The following RUFY4 variants were observed in gnomAD, a reference collection of about 807,000 sequenced individuals.
The protein encoded by RUFY4 is RUN and FYVE domain containing 4.
In RUFY4, 73 loss-of-function variants were observed where a neutral mutation model predicts 69.0. The ratio of observed to expected loss-of-function variants is 1.06; its 90% CI spans 0.88 to 1.29. The LOEUF is 1.29. Ranked by LOEUF, RUFY4 falls within the 50% of genes most tolerant of loss-of-function variation. The pLI is 0.00. For missense variants in RUFY4, 770 were observed against 705.6 expected, an observed-to-expected ratio of 1.09 and a Z score of -1.03; for synonymous variants, 287 against 271.8, an observed-to-expected ratio of 1.06 and a Z score of -0.55.
intron 3 of RUFY4, among the ~76,000 whole-genome samples, chr2:218,063,571 G>A (rs1036215201): frequency 6.6e-6 from 1 of 152,200 alleles, no homozygotes; most frequent in African/African-American, 2.4e-5. Context: ...AAAAACTAAT[G>A]TTCATAGTGG....
In RUFY4 at chr2:218,060,745, A is replaced by T. The variant is rs866402026; in HGVS notation, c.-1071+2064A>T. On this transcript the variant is annotated intron_variant and NMD_transcript_variant, in intron 3 of 13. Coordinates refer to the RUFY4 transcript ENST00000457754. ...GGTGAATCTGTAGCAGAACAGCATG[A>T]TCGCAGCGGCACGATGAAGCCAAAG... The T allele has an allele frequency of 2.7e-6, 4 of 1,470,684 alleles. No individual in the cohort carries two copies. In the Middle Eastern group the frequency reaches 5.2e-4, roughly 192 times the overall value. The allele number at this position is 1,470,684 out of a possible 1,614,324, so 91.1% of individuals were successfully genotyped here.
intron 9 of RUFY4, among the ~76,000 whole-genome samples, chr2:218,088,328 C>A (rs1278934539): frequency 6.6e-6 from 1 of 151,704 alleles, no homozygotes; most frequent in Non-Finnish European, 1.5e-5. Flanking sequence ...TAGCCAGGCA[C>A]GTGCCTATAG....
At chr2:218,085,429 T>C (rs377549112) in intron 9 of RUFY4, among the ~76,000 whole-genome samples, 2 of 152,186 alleles carry the variant, frequency 1.3e-5, no homozygotes, top group Non-Finnish European at 1.5e-5. Flanking sequence ...CCACATCTTA[T>C]CTATTCTCCA....
chr2:218,079,743 T>C (rs1450593228), intron 8 of RUFY4, among the ~76,000 whole-genome samples: 1 of 152,138 alleles, frequency 6.6e-6, no homozygotes, highest in African/African-American at 2.4e-5. Context: ...AAGCTGGTGA[T>C]GAGTTCCTCA....
At chr2:218,081,954 G>A (rs1211179677) in intron 8 of RUFY4, among the ~76,000 whole-genome samples, 1 of 152,170 alleles carries the variant, frequency 6.6e-6, no homozygotes, top group Non-Finnish European at 1.5e-5. Flanking sequence ...ACACACTCAA[G>A]CCCCAGGACA....
At chr2:218,073,922 C>A in intron 6 of RUFY4, 37 bp downstream of exon 8, 1 of 1,600,128 alleles carries the variant, frequency 6.2e-7, no homozygotes, top group Non-Finnish European at 8.6e-7. Context: ...GTTGCCTCTT[C>A]CCCATCTCCT....
intron 2 of RUFY4, among the ~76,000 whole-genome samples, chr2:218,038,031 A>G (rs932755696): frequency 1.3e-5 from 2 of 152,244 alleles, no homozygotes; most frequent in Non-Finnish European, 2.9e-5. Flanking sequence ...TCCTCAGTTC[A>G]TTTAACCTCA....
At position 218,071,882 on chromosome 2, in the gene RUFY4, G is replaced by A. The variant is rs114481355; in HGVS notation, c.154-492G>A. ...CCCACACACAGGCAGCATCTGCTCA[G>A]CCCCATCCCTGGGGCTGTGCTTTAC... On this transcript the variant is annotated intron_variant, in intron 2 of 10. Coordinates refer to ENST00000344321, the Ensembl canonical transcript of RUFY4. Among the ~76,000 whole-genome samples the A allele has an allele frequency of 9.6e-3, 1,467 of 152,248 alleles. 34 individuals carry two copies. The highest frequency in any genetic ancestry group is 0.034 in the African/African-American group (1,401 of 41,544).
At chr2:218,045,367 A>G (rs80158211) in intron 2 of RUFY4, among the ~76,000 whole-genome samples, 2,960 of 152,328 alleles carry the variant, frequency 0.019, 103 homozygotes, top group African/African-American at 0.068. Flanking sequence ...TATTGCATAT[A>G]AGAATATTTA....
intron 3 of RUFY4, among the ~76,000 whole-genome samples, chr2:218,063,681 G>A (rs1226184155): frequency 2.0e-5 from 3 of 152,154 alleles, no homozygotes; most frequent in African/African-American, 7.2e-5. Flanking sequence ...AGCTAGGAGC[G>A]AACATGGTAG....
intron 2 of RUFY4, among the ~76,000 whole-genome samples, chr2:218,037,298 C>T (rs1958993588): frequency 6.9e-6 from 1 of 145,652 alleles, no homozygotes; most frequent in Non-Finnish European, 1.5e-5. Flanking sequence ...CCAGCCTGGG[C>T]AATAGTGCAA....
In RUFY4 at chr2:218,076,310, C is replaced by T. The variant is rs1282403907; in HGVS notation, c.1249-117C>T. On this transcript the variant is annotated intron_variant, in intron 7 of 10. Coordinates refer to ENST00000344321, the Ensembl canonical transcript of RUFY4. ...AGGCATCACAGCTCCCAGCACTGTC[C>T]CCAGCCCTGCCAGGGCATGGCCTGG... 4.1e-6 allele frequency: 6 copies of T among 1,451,732 alleles called. No individual in the cohort carries two copies. In the East Asian group the frequency reaches 1.6e-4, roughly 38 times the overall value. 89.9% of individuals were successfully genotyped at this position (1,451,732 alleles called of 1,614,324 possible).
intron 5 of RUFY4, 120 bp from the exon 8 acceptor site, chr2:218,073,696 C>T (rs1444997613): frequency 2.1e-5 from 22 of 1,066,204 alleles, no homozygotes; most frequent in Middle Eastern, 6.0e-4. Context: ...GGTGGGTGGG[C>T]AGGAAGGAGG....
intron 2 of RUFY4, among the ~76,000 whole-genome samples, chr2:218,050,017 C>G (rs1688909728): frequency 2.0e-5 from 3 of 152,166 alleles, no homozygotes; most frequent in Non-Finnish European, 4.4e-5. Context: ...TAGATAGAGT[C>G]CATGACTGGA....
chr2:218,053,316 G>A (rs1688986403), intron 2 of RUFY4, among the ~76,000 whole-genome samples: 1 of 151,082 alleles, frequency 6.6e-6, no homozygotes, highest in African/African-American at 2.4e-5. Context: ...TGTATGAAAA[G>A]CACTGTCAAA....
chr2:218,060,990 C>T (rs1689173999), intron 3 of RUFY4: 1 of 786,226 alleles, frequency 1.3e-6, no homozygotes, highest in Non-Finnish European at 2.3e-6. Context: ...GGCCAGGTAA[C>T]AGTCCATGCT....
rs536624434 is a variant in RUFY4, at chr2:218,075,306, G to A, written c.814G>A (p.Glu272Lys). The change falls in exon 7 of 11, where the codon GAG (glutamate) becomes AAG (lysine). Residue 272 changes from glutamate to lysine, a missense_variant. Transcript: ENST00000344321. ...GAGCATGTGGGAGCCAGAAGGGAAG[G>A]AGCTTCAGCTAGACCAGGAGGAAAG... 348 of 1,606,670 alleles carry A rather than the reference G, an allele frequency of 2.2e-4. 3 individuals are homozygous for A. The South Asian group carries it at 3.6e-3, about 17-fold the overall frequency.
At chr2:218,064,184 TG>T (rs1689267112) in intron 3 of RUFY4, among the ~76,000 whole-genome samples, 1 of 152,076 alleles carries the variant, frequency 6.6e-6, no homozygotes, top group Admixed American at 6.5e-5. Flanking sequence ...TGAAGAAGTA[TG>T]GGATGAGGGA....
rs189336188 is a variant in RUFY4 at position 218,041,263 on chromosome 2, A to C, written c.-1158+5869A>C. Among the ~76,000 whole-genome samples, 10 of 152,154 alleles carry C rather than the reference A, an allele frequency of 6.6e-5. No homozygotes were observed. The East Asian group carries it at 1.7e-3, about 26-fold the overall frequency. On this transcript the variant is annotated intron_variant and NMD_transcript_variant, in intron 2 of 13. Coordinates refer to the RUFY4 transcript ENST00000457754. ...GACTCTCCATGCCTACTCTTCCCCA[A>C]ATTGCTTTGGCTATATTTCTAGATA... is the stretch of plus-strand genomic sequence containing the variant.
Sources: allele counts gnomAD v4.1 joint callset (sites outside exome capture counted in the v4.1 genomes callset), GRCh38; gene constraint gnomAD v4.1.1; transcripts MANE v1.5; gene names NCBI Gene and HGNC (gene_info 2026-07-23, HGNC 2026-07-21).